Variants in GRID2 observed in about 807,000 individuals in gnomAD.
GRID2 encodes the protein glutamate receptor ionotropic, delta-2.
A neutral mutation model predicts 114.8 loss-of-function variants in GRID2; 33 were observed. The ratio of observed to expected loss-of-function variants is 0.29; its 90% CI spans 0.22 to 0.38. The LOEUF (loss-of-function observed/expected upper bound fraction) is 0.38, where lower values mean the gene tolerates loss of function less well. Among genes scored for constraint, GRID2 ranks in the 10% least tolerant of loss-of-function variants. The pLI is 1.00. For synonymous variants in GRID2, 505 were observed against 449.9 expected (o/e 1.12, Z -1.55); for missense variants, 1,184 against 1,257.7 (o/e 0.94, Z 0.89).
rs185434510 is a variant in GRID2, at chr4:93,723,071, T to C, written c.2361-46139T>C. Among the ~76,000 whole-genome samples the C allele has an allele frequency of 2.1e-3, 314 of 152,322 alleles. 2 individuals carry two copies. Among genetic ancestry groups the C allele is most frequent in the African/African-American group, 7.3e-3 (304 of 41,568 alleles). On this transcript the variant is annotated intron_variant, in intron 14 of 15. Transcript: ENST00000282020. ...CTTTGTCTGATATGACTTTCATCAA[T>C]TGGATAGGGTAAGCTTCAACACATT...
intron 4 of GRID2, among the ~76,000 whole-genome samples, chr4:93,133,215 T>C (rs970706212): frequency 1.3e-5 from 2 of 152,194 alleles, no homozygotes; most frequent in Non-Finnish European, 2.9e-5. Context: ...CTGAGCTTTA[T>C]TGTTTTGTTT....
intron 14 of GRID2, among the ~76,000 whole-genome samples, chr4:93,694,801 A>G (rs1726867535): frequency 6.6e-6 from 1 of 152,270 alleles, no homozygotes; most frequent in African/African-American, 2.4e-5. Flanking sequence ...CACACACATG[A>G]CAGTATTGTG....
chr4:93,146,418 T>C (rs896406749), intron 4 of GRID2, among the ~76,000 whole-genome samples: 3 of 152,140 alleles, frequency 2.0e-5, no homozygotes, highest in Non-Finnish European at 2.9e-5. Context: ...GTAAACCCAG[T>C]CTTTGAAAAA....
chr4:92,491,072 T>C (rs1162780076), intron 1 of GRID2, among the ~76,000 whole-genome samples: 1 of 152,208 alleles, frequency 6.6e-6, no homozygotes, highest in Non-Finnish European at 1.5e-5. Context: ...AAGCAATTTA[T>C]AGTAAATTGT....
intron 2 of GRID2, among the ~76,000 whole-genome samples, chr4:92,904,129 G>T (rs1267862563): frequency 3.3e-5 from 5 of 151,462 alleles, no homozygotes; most frequent in Non-Finnish European, 7.4e-5. Context: ...TTTGGTTCTA[G>T]AATAATTCCT....
At chr4:93,372,400 C>A (rs962510973) in intron 8 of GRID2, among the ~76,000 whole-genome samples, 1 of 152,092 alleles carries the variant, frequency 6.6e-6, no homozygotes, top group African/African-American at 2.4e-5. Flanking sequence ...TCTACCTCTT[C>A]ACTCTATTCA....
At chr4:92,407,724 T>A (rs558751193) in intron 1 of GRID2, among the ~76,000 whole-genome samples, 1 of 152,342 alleles carries the variant, frequency 6.6e-6, no homozygotes, top group African/African-American at 2.4e-5. Flanking sequence ...GTTGCTTGTA[T>A]GTTTTCTTTT....
intron 2 of GRID2, among the ~76,000 whole-genome samples, chr4:92,960,348 G>A (rs1414067812): frequency 6.6e-6 from 1 of 151,934 alleles, no homozygotes; most frequent in Admixed American, 6.6e-5. Context: ...GTCCATTTCT[G>A]ATAGAGGGGT....
intron 4 of GRID2, among the ~76,000 whole-genome samples, chr4:93,160,214 A>G (rs184291928): frequency 1.3e-5 from 2 of 151,968 alleles, no homozygotes; most frequent in African/African-American, 4.8e-5. Flanking sequence ...CAAGGAAACA[A>G]GAATTGTGAA....
intron 8 of GRID2, among the ~76,000 whole-genome samples, chr4:93,267,191 T>A (rs908459960): frequency 1.5e-4 from 23 of 151,892 alleles, no homozygotes; most frequent in South Asian, 1.0e-3. Flanking sequence ...TTTTATTATT[T>A]TTTTTATTAT....
At chr4:92,876,506 G>T (rs958754274) in intron 2 of GRID2, among the ~76,000 whole-genome samples, 3 of 151,942 alleles carry the variant, frequency 2.0e-5, no homozygotes, top group Non-Finnish European at 4.4e-5. Flanking sequence ...GGGTTTCACC[G>T]TGTTAACCAG....
chr4:93,389,472 T>G (rs1386219162), intron 8 of GRID2, among the ~76,000 whole-genome samples: 1 of 152,062 alleles, frequency 6.6e-6, no homozygotes, highest in Non-Finnish European at 1.5e-5. Context: ...CAGCTTGAAC[T>G]GGAGAACCAA....
chr4:92,819,127 C>T (rs984904999), intron 2 of GRID2, among the ~76,000 whole-genome samples: 7 of 152,046 alleles, frequency 4.6e-5, no homozygotes, highest in Admixed American at 3.3e-4. Flanking sequence ...TGAGCATGAG[C>T]AAATGTTACG....
Position 93,595,501 on chromosome 4 carries a change from C to G in GRID2, c.2194-30768C>G, listed in dbSNP as rs1738988599. 3.3e-5 allele frequency among the ~76,000 whole-genome samples: 5 copies of G among 152,294 alleles called. No individual in the cohort carries two copies. In the South Asian group the frequency reaches 1.0e-3, roughly 32 times the overall value. On this transcript the variant is annotated intron_variant, in intron 13 of 15. Coordinates refer to ENST00000282020, the MANE Select transcript of GRID2 (RefSeq NM_001510.4). ...TTGTAAAATGGGAATAATACCTACT[C>G]ATGAAGTTATTGTAAAACTTAATGA...
chr4:92,381,303 A>G (rs1729607993), intron 1 of GRID2, among the ~76,000 whole-genome samples: 1 of 151,972 alleles, frequency 6.6e-6, no homozygotes, highest in Admixed American at 6.6e-5. Flanking sequence ...TCTTAATTGA[A>G]ATTCTATATC....
intron 14 of GRID2, among the ~76,000 whole-genome samples, chr4:93,688,185 A>G (rs1726239211): frequency 6.6e-6 from 1 of 151,990 alleles, no homozygotes; most frequent in Non-Finnish European, 1.5e-5. Flanking sequence ...TGTCTCAGAA[A>G]ATAAAAACAA....
chr4:93,379,060 C>A (rs1763623637), intron 8 of GRID2, among the ~76,000 whole-genome samples: 1 of 151,970 alleles, frequency 6.6e-6, no homozygotes, highest in African/African-American at 2.4e-5. Flanking sequence ...ATTAATAAAA[C>A]ATGCCTTAAG....
At chr4:92,471,325 C>T (rs1722022697) in intron 1 of GRID2, among the ~76,000 whole-genome samples, 1 of 152,034 alleles carries the variant, frequency 6.6e-6, no homozygotes, top group Admixed American at 6.6e-5. Context: ...TGTTACATGA[C>T]TCCAAACAAG....
chr4:93,731,632 C>G (rs1039563136), intron 14 of GRID2, among the ~76,000 whole-genome samples: 3 of 152,142 alleles, frequency 2.0e-5, no homozygotes, highest in African/African-American at 4.8e-5. Context: ...TGGGGTGAAG[C>G]CTTCTAAGCA....
Sources: gnomAD v4.1 joint callset for allele counts (sites outside exome capture counted in the v4.1 genomes callset) on GRCh38, gnomAD v4.1.1 for gene constraint, MANE v1.5 for transcripts, NCBI Gene and HGNC (gene_info 2026-07-23, HGNC 2026-07-21) for gene names.